The following ZNF169 variants were observed in gnomAD, a reference collection of about 807,000 sequenced individuals.
ZNF169 encodes zinc finger protein 169.
A neutral mutation model predicts 12.0 loss-of-function variants in ZNF169; 11 were observed. That is an observed-to-expected ratio of 0.92 (90% confidence interval 0.58 to 1.52). The LOEUF (loss-of-function observed/expected upper bound fraction) is 1.52. ZNF169 is among the 40% of genes most tolerant of loss of function. The pLI, the probability that ZNF169 is intolerant of heterozygous loss-of-function variation, is 0.00. For synonymous variants in ZNF169, 302 were observed against 286.5 expected (o/e 1.05, Z -0.55); for missense variants, 722 against 744.0 (o/e 0.97, Z 0.34).
chr9:94,288,990 A>G (rs893561203), intron 2 of ZNF169, among the ~76,000 whole-genome samples: 45 of 152,218 alleles, frequency 3.0e-4, no homozygotes, highest in African/African-American at 1.1e-3. Context: ...AGCAAAGATT[A>G]TCGTATGGTC....
intron 1 of ZNF169, among the ~76,000 whole-genome samples, chr9:94,271,243 G>A (rs10993134): frequency 0.076 from 11,334 of 149,762 alleles, 594 homozygotes; most frequent in Middle Eastern, 0.13. Context: ...CTACAGTCAC[G>A]TGCCACCATG....
At chr9:94,281,480 A>G (rs1178898643) in intron 2 of ZNF169, among the ~76,000 whole-genome samples, 2 of 152,210 alleles carry the variant, frequency 1.3e-5, no homozygotes, top group Non-Finnish European at 2.9e-5. Flanking sequence ...GACAGGTCTC[A>G]GTTAATTTAG....
At chr9:94,266,151 C>CA (rs1830288855) in intron 1 of ZNF169, among the ~76,000 whole-genome samples, 1 of 151,654 alleles carries the variant, frequency 6.6e-6, no homozygotes, top group South Asian at 2.1e-4. Flanking sequence ...AAGGCCTAGG[C>CA]AAAATTGTTG....
chr9:94,277,794 T>C (rs968636266), intron 1 of ZNF169, among the ~76,000 whole-genome samples: 67 of 151,642 alleles, frequency 4.4e-4, no homozygotes, highest in African/African-American at 1.5e-3. Context: ...TAGCCGGGCG[T>C]GATGGCGGGC....
At chr9:94,272,032 T>C (rs1444191842) in intron 1 of ZNF169, among the ~76,000 whole-genome samples, 1 of 152,174 alleles carries the variant, frequency 6.6e-6, no homozygotes, top group African/African-American at 2.4e-5. Flanking sequence ...CACTCAAAAT[T>C]ACCATTTTAG....
chr9:94,279,556 C>T (rs1385723081), intron 2 of ZNF169, among the ~76,000 whole-genome samples: 2 of 151,512 alleles, frequency 1.3e-5, no homozygotes, highest in Non-Finnish European at 2.9e-5. Context: ...AAGAGAATCG[C>T]TTGAGCCCGG....
chr9:94,301,030 G>T lies in ZNF169; in HGVS notation c.1472G>T (p.Cys491Phe). ...TGEKPYLCPK[C>F]GRAFGFKSLL... is the part of the protein sequence containing the mutation. The stretch of plus-strand genomic sequence containing the variant: ...GAGAAGCCTTATCTGTGCCCCAAGT[G>T]TGGGCGTGCATTTGGCTTTAAGTCG... The change falls in exon 5 of 5, where the codon TGT (cysteine) becomes TTT (phenylalanine). Residue 491 changes from cysteine (C) to phenylalanine (F), a missense_variant. Cys to Phe is a radical substitution (Grantham distance 205). Coordinates refer to ENST00000395395, the MANE Select transcript of ZNF169 (RefSeq NM_194320.4). The T allele has an allele frequency of 6.2e-7, 1 of 1,614,060 alleles. No homozygotes were observed. Among genetic ancestry groups the T allele is most frequent in the Non-Finnish European group, 8.5e-7 (1 of 1,180,006 alleles).
At position 94,301,178 on chromosome 9, in the gene ZNF169, G is replaced by GCCCT; in HGVS notation, c.1621_1624dup (p.Cys542SerfsTer6). The GCCCT allele has an allele frequency of 6.2e-7, 1 of 1,614,244 alleles. No homozygotes were observed. The highest frequency in any genetic ancestry group is 1.3e-5 in the African/African-American group (1 of 75,066). ...ACCAAAGGACACACTCAGGAGAGAA[G>GCCCT]CCCTGCATTTGCGATGAATGTGGGC... On this transcript the variant is annotated frameshift_variant, in exon 5 of 5. Transcript: ENST00000395395. LOFTEE classifies it low-confidence loss of function (END_TRUNC).
rs762267360 is a variant in ZNF169, at chr9:94,292,321, G to A, written c.34-20G>A. Reference sequence around the variant, plus strand: ...GGCATGGCTGGCTGTTGAGTGAGCAGGGATGTGTTTGTGTTACAGGCATTG... The same window carrying A: ...GGCATGGCTGGCTGTTGAGTGAGCAAGGATGTGTTTGTGTTACAGGCATTG... On this transcript the variant is annotated intron_variant, in intron 2 of 4. Coordinates refer to ENST00000395395, the MANE Select transcript of ZNF169 (RefSeq NM_194320.4). 1.5e-4 allele frequency: 236 copies of A among 1,613,966 alleles called. 6 individuals carry two copies. In the South Asian group the frequency reaches 2.5e-3, roughly 17 times the overall value.
chr9:94,293,195 A>G, intron 4 of ZNF169, 126 bp downstream of exon 4: 1 of 844,126 alleles, frequency 1.2e-6, no homozygotes, highest in Non-Finnish European at 2.0e-6. Context: ...CCACTGGTAA[A>G]GGCTGCATGG....
chr9:94,296,339 G>A (rs1205755667), intron 4 of ZNF169, among the ~76,000 whole-genome samples: 1 of 152,106 alleles, frequency 6.6e-6, no homozygotes, highest in African/African-American at 2.4e-5. Context: ...TCTTAATAGT[G>A]CCTTTCAAAG....
At chr9:94,292,641 G>GTGTGTGTGTGTGCA in intron 3 of ZNF169, 174 bp downstream of exon 3, 2 of 721,230 alleles carry the variant, frequency 2.8e-6, no homozygotes, top group South Asian at 4.1e-5. Flanking sequence ...GTGTGTGTGT[G>GTGTGTGTGTGTGCA]CGCGTGCACA....
chr9:94,281,167 C>T (rs1280136633), intron 2 of ZNF169, among the ~76,000 whole-genome samples: 7 of 152,120 alleles, frequency 4.6e-5, no homozygotes, highest in Non-Finnish European at 1.0e-4. Context: ...AGTCAAAAAC[C>T]ACTTGTTGCA....
intron 2 of ZNF169, chr9:94,287,774 CAG>C (rs1268704950): frequency 7.2e-7 from 1 of 1,394,236 alleles, no homozygotes; most frequent in Admixed American, 1.7e-5. Context: ...GGAGAGCTGA[CAG>C]TGTCAGTTTG....
intron 1 of ZNF169, among the ~76,000 whole-genome samples, chr9:94,271,704 G>A (rs1359435777): frequency 2.2e-5 from 3 of 136,352 alleles, no homozygotes; most frequent in Non-Finnish European, 4.6e-5. Flanking sequence ...TGTCGACAGG[G>A]CAAGACTCTG....
intron 2 of ZNF169, among the ~76,000 whole-genome samples, chr9:94,289,226 C>G (rs1282995234): frequency 6.6e-6 from 1 of 151,380 alleles, no homozygotes; most frequent in Non-Finnish European, 1.5e-5. Flanking sequence ...TAGTAAGACC[C>G]CATCTGTTAA....
At chr9:94,292,801 A>G (rs904372142) in intron 3 of ZNF169, among the ~76,000 whole-genome samples, 173 bp from the exon 4 acceptor site, 4 of 152,036 alleles carry the variant, frequency 2.6e-5, no homozygotes, top group Admixed American at 2.6e-4. Flanking sequence ...CTTTAGGTCT[A>G]GGATCCCCTC....
At chr9:94,295,908 G>A (rs1019602878) in intron 4 of ZNF169, 1 of 152,152 alleles carries the variant, frequency 6.6e-6, no homozygotes, top group Non-Finnish European at 1.5e-5. Flanking sequence ...TGGAATGGCT[G>A]GGTTGTATGA....
At position 94,300,383 on chromosome 9, in the gene ZNF169, C is replaced by T. The variant is rs771372664; in HGVS notation, c.825C>T (p.Ala275=). The T allele has an allele frequency of 8.7e-6, 14 of 1,610,884 alleles. No homozygotes were observed. The highest frequency in any genetic ancestry group is 2.5e-6 in the Non-Finnish European group (3 of 1,178,966). ...PECGRRFSQK[A]SLSIHQRKHS... is the part of the protein sequence containing the mutation. The stretch of plus-strand genomic sequence containing the variant: ...GTGGGCGTCGGTTTAGCCAGAAGGC[C>T]TCCCTCTCCATACACCAGAGGAAGC... Residue 275 remains alanine, a synonymous_variant, in exon 5 of 5, where the codon GCC becomes GCT. Transcript: ENST00000395395.
Sources: gnomAD v4.1 joint callset for allele counts (sites outside exome capture counted in the v4.1 genomes callset) on GRCh38, gnomAD v4.1.1 for gene constraint, MANE v1.5 for transcripts, NCBI Gene and HGNC (gene_info 2026-07-23, HGNC 2026-07-21) for gene names.